Variants in KLHL5 observed in about 807,000 individuals in gnomAD.
KLHL5 encodes kelch like family member 5.
KLHL5 carries 48 observed loss-of-function variants against 77.7 expected under a neutral mutation model. That is an observed-to-expected ratio of 0.62 (90% CI 0.49 to 0.79). KLHL5 has a LOEUF of 0.79. KLHL5 is among the 30% of genes least tolerant of loss of function. The pLI, the probability that KLHL5 is intolerant of heterozygous loss-of-function variation, is 0.00. For synonymous variants in KLHL5, 260 were observed against 297.0 expected, an observed-to-expected ratio of 0.88 and a Z score of 1.28; for missense variants, 723 against 859.7, an observed-to-expected ratio of 0.84 and a Z score of 1.99.
At chr4:39,120,276 T>A (rs1468579287) in intron 10 of KLHL5, 1 of 152,192 alleles carries the variant, frequency 6.6e-6, no homozygotes, top group Non-Finnish European at 1.5e-5. Flanking sequence ...TTACCCAGTG[T>A]CTAGAGTTCC....
intron 5 of KLHL5, among the ~76,000 whole-genome samples, chr4:39,090,414 A>T (rs1344471527): frequency 2.0e-5 from 3 of 150,244 alleles, no homozygotes; most frequent in Non-Finnish European, 4.4e-5. Flanking sequence ...AATGCCTGTG[A>T]TTGTAATCCT....
chr4:39,080,950 A>G (rs1388718985), intron 2 of KLHL5, among the ~76,000 whole-genome samples, 153 bp from the exon 3 acceptor site: 1 of 152,242 alleles, frequency 6.6e-6, no homozygotes, highest in Non-Finnish European at 1.5e-5. Flanking sequence ...ATTCAAAGGA[A>G]GGAACTAGAG....
rs116228547 is a variant in KLHL5 at position 39,074,937 on chromosome 4, A to G, written c.384-1028A>G. 2.5e-3 allele frequency among the ~76,000 whole-genome samples: 379 copies of G among 152,242 alleles called. 2 individuals carry two copies. The highest frequency in any genetic ancestry group is 8.7e-3 in the African/African-American group (363 of 41,558). On this transcript the variant is annotated intron_variant, in intron 1 of 10. Transcript: ENST00000504108. ...TGATTTAAGTGATCCTGGAGAGGAGAACTGGGTGTGAGGGTGAGGAGGAAA... is the reference window on the plus strand; with the variant it reads ...TGATTTAAGTGATCCTGGAGAGGAGGACTGGGTGTGAGGGTGAGGAGGAAA...
At chr4:39,045,273 C>CG (rs1368855701) in intron 1 of KLHL5, among the ~76,000 whole-genome samples, 3 of 150,460 alleles carry the variant, frequency 2.0e-5, no homozygotes, top group East Asian at 1.9e-4. Flanking sequence ...CTGGGCCGGG[C>CG]GGGGGCCTCC....
At chr4:39,114,205 G>T (rs28405689) in intron 9 of KLHL5, among the ~76,000 whole-genome samples, 1 of 152,134 alleles carries the variant, frequency 6.6e-6, no homozygotes, top group Admixed American at 6.6e-5. Context: ...CTCCAGGCTG[G>T]GAAGTTCAAG....
At chr4:39,091,271 G>A (rs920451996) in intron 5 of KLHL5, among the ~76,000 whole-genome samples, 1 of 151,170 alleles carries the variant, frequency 6.6e-6, no homozygotes, top group Admixed American at 6.6e-5. Context: ...TTACAGGTGT[G>A]AGCCACCATG....
chr4:39,140,452 C>T, the KLHL5 span, among the ~76,000 whole-genome samples: 21 of 152,194 alleles, frequency 1.4e-4, no homozygotes, highest in African/African-American at 4.3e-4. Context: ...GTGATGGACC[C>T]GCATGCTGGC....
chr4:39,080,303 G>A (rs906878547), intron 2 of KLHL5, among the ~76,000 whole-genome samples: 3 of 152,108 alleles, frequency 2.0e-5, no homozygotes, highest in African/African-American at 7.2e-5. Context: ...CAGGTGGGCT[G>A]ATTACTTAAG....
At chr4:39,099,625 G>A (rs557933370) in intron 6 of KLHL5, among the ~76,000 whole-genome samples, 14 of 152,180 alleles carry the variant, frequency 9.2e-5, no homozygotes, top group Middle Eastern at 3.4e-3. Context: ...CTCTGCCCCC[G>A]GATATTGAAG....
At chr4:39,074,047 T>A (rs1017265829) in intron 1 of KLHL5, among the ~76,000 whole-genome samples, 1 of 152,158 alleles carries the variant, frequency 6.6e-6, no homozygotes, top group Admixed American at 6.6e-5. Flanking sequence ...TTCTCATTTA[T>A]TTGTATAAGC....
chr4:39,123,448 C>A lies in KLHL5; in HGVS notation c.*2382C>A, dbSNP rs1723341756. ...CCAATATCCCTTATGAATATAGATG[C>A]AAAAAAACTTCAAAATACTAGCAGG... On this transcript the variant is annotated 3_prime_UTR_variant, in exon 11 of 11. Coordinates refer to ENST00000504108, the MANE Select transcript of KLHL5 (RefSeq NM_015990.5). Among the ~76,000 whole-genome samples the A allele has an allele frequency of 6.6e-6, 1 of 151,994 alleles. No individual in the cohort carries two copies. Among genetic ancestry groups the A allele is most frequent in the Non-Finnish European group, 1.5e-5 (1 of 67,998 alleles).
At chr4:39,090,834 A>ACT (rs1034791274) in intron 5 of KLHL5, among the ~76,000 whole-genome samples, 2 of 149,644 alleles carry the variant, frequency 1.3e-5, no homozygotes, top group Non-Finnish European at 3.0e-5. Flanking sequence ...GCAGGGTCTC[A>ACT]CTCTATTTCC....
At position 39,062,537 on chromosome 4, in the gene KLHL5, T is replaced by C. The variant is rs1717510239; in HGVS notation, c.-116T>C. 6.2e-7 allele frequency: 1 copy of C among 1,610,656 alleles called. No homozygotes were observed. Among genetic ancestry groups the C allele is most frequent in the Non-Finnish European group, 8.5e-7 (1 of 1,177,240 alleles). ...TATATGAATGTGATTTATTTTCCTT[T>C]ACATATTTTTGTTGTGTACAGCAGG... is the stretch of plus-strand genomic sequence containing the variant. On this transcript the variant is annotated 5_prime_UTR_variant, in exon 1 of 11. Transcript: ENST00000504108.
chr4:39,082,246 C>T, intron 4 of KLHL5, 87 bp downstream of exon 4: 1 of 1,064,914 alleles, frequency 9.4e-7, no homozygotes, highest in South Asian at 1.8e-5. Context: ...ACTGTTTTCC[C>T]ATGGCTCTGC....
Position 39,100,711 on chromosome 4 carries a change from A to G in KLHL5, c.1301-2576A>G, listed in dbSNP as rs976193085. Among the ~76,000 whole-genome samples, 3 of 152,264 alleles carry G rather than the reference A, an allele frequency of 2.0e-5. No homozygotes were observed. The South Asian group carries it at 6.2e-4, about 32-fold the overall frequency. On this transcript the variant is annotated intron_variant, in intron 6 of 10. Transcript: ENST00000504108. ...TTCTGCTCAAAAACTCCAGCAGTCT[A>G]TTTCTTACCACATAAGATGCAAATG...
chr4:39,085,934 C>T (rs562345457), intron 4 of KLHL5, among the ~76,000 whole-genome samples: 12 of 152,230 alleles, frequency 7.9e-5, no homozygotes, highest in Admixed American at 3.3e-4. Context: ...ATCATTAAAA[C>T]GATCTTGAAG....
chr4:39,117,379 G>C (rs561096035), intron 10 of KLHL5, among the ~76,000 whole-genome samples: 2 of 152,302 alleles, frequency 1.3e-5, no homozygotes, highest in South Asian at 4.1e-4. Flanking sequence ...GTAACAAGAA[G>C]CCAGCAGAAA....
At chr4:39,137,113 G>A in the KLHL5 span, among the ~76,000 whole-genome samples, 13 of 152,246 alleles carry the variant, frequency 8.5e-5, no homozygotes, top group South Asian at 2.1e-3. Flanking sequence ...ATTGGAATTC[G>A]GCATATTGTT....
intron 5 of KLHL5, 34 bp from the exon 6 acceptor site, chr4:39,096,658 T>A: frequency 1.4e-6 from 2 of 1,397,278 alleles, no homozygotes; most frequent in South Asian, 2.7e-5. Flanking sequence ...ATTTTCTTAG[T>A]CATTCAGTAT....
Sources: gnomAD v4.1 joint callset for allele counts (sites outside exome capture counted in the v4.1 genomes callset) on GRCh38, gnomAD v4.1.1 for gene constraint, MANE v1.5 for transcripts, NCBI Gene and HGNC (gene_info 2026-07-23, HGNC 2026-07-21) for gene names.